RASSF8: variants seen among roughly 807,000 people sequenced by gnomAD.
RASSF8 encodes Ras association domain family member 8, also known as ras association domain-containing protein 8.
In RASSF8, 22 loss-of-function variants were observed where a neutral mutation model predicts 48.5. The ratio of observed to expected loss-of-function variants is 0.45; its 90% CI spans 0.32 to 0.65. The LOEUF (loss-of-function observed/expected upper bound fraction) is 0.65. RASSF8 is among the 30% of genes least tolerant of loss of function. RASSF8 has a pLI of 0.03. For synonymous variants in RASSF8, 127 were observed against 171.5 expected (o/e 0.74, Z 2.03); for missense variants, 418 against 489.2 (o/e 0.85, Z 1.37).
At position 25,959,134 on chromosome 12, in the gene RASSF8, C is replaced by T. The variant is rs1379840494; in HGVS notation, c.-217C>T. On this transcript the variant is annotated 5_prime_UTR_variant, in exon 1 of 6. Transcript: ENST00000689635. Reference sequence around the variant, plus strand: ...CTCTGGGCGGCCTGCGGGGGCGGCGCAGTTGCGAAACTGAGTAAGTATTAA... The same window carrying T: ...CTCTGGGCGGCCTGCGGGGGCGGCGTAGTTGCGAAACTGAGTAAGTATTAA... 1 of 151,542 alleles carries T rather than the reference C, an allele frequency of 6.6e-6. No individual in the cohort carries two copies. Among genetic ancestry groups the T allele is most frequent in the Non-Finnish European group, 1.5e-5 (1 of 67,884 alleles). The allele number at this position is 151,542 out of a possible 1,614,324, so 9.4% of individuals were successfully genotyped here.
intron 2 of RASSF8, among the ~76,000 whole-genome samples, chr12:26,035,906 G>GATTTCATATATATGATATATATCATAT (rs1943140329): frequency 7.0e-6 from 1 of 142,182 alleles, no homozygotes; most frequent in Non-Finnish European, 1.5e-5. Context: ...AATCATATAT[G>GATTTCATATATATGATATATATCATAT]ATTTCATATA....
At chr12:26,051,283 C>G (rs910415855) in intron 2 of RASSF8, among the ~76,000 whole-genome samples, 2 of 152,102 alleles carry the variant, frequency 1.3e-5, no homozygotes, top group African/African-American at 2.4e-5. Flanking sequence ...TTGCCAAATA[C>G]TTAAGTGTGT....
At chr12:25,984,224 C>CCT in intron 1 of RASSF8, among the ~76,000 whole-genome samples, 1 of 86,734 alleles carries the variant, frequency 1.2e-5, no homozygotes, top group Non-Finnish European at 2.2e-5. Flanking sequence ...CTACACGTAG[C>CCT]TTTTTTTTTT....
rs1046002309 is a variant in RASSF8 at position 25,958,700 on chromosome 12, A to T, written c.-651A>T. On this transcript the variant is annotated 5_prime_UTR_variant, in exon 1 of 6. Transcript: ENST00000689635. ...CCAGCCCAGAGGCACCGGCCGCGGG[A>T]GCGAGCGGGTCGCCGACTCCTACGC... The T allele has an allele frequency of 1.2e-4, 18 of 145,128 alleles. No individual in the cohort carries two copies. Among genetic ancestry groups the T allele is most frequent in the African/African-American group, 4.5e-4 (18 of 40,256 alleles). 9.0% of individuals were successfully genotyped at this position (145,128 alleles called of 1,614,324 possible).
At chr12:26,038,112 C>T (rs1434847706) in intron 2 of RASSF8, among the ~76,000 whole-genome samples, 1 of 152,146 alleles carries the variant, frequency 6.6e-6, no homozygotes, top group African/African-American at 2.4e-5. Flanking sequence ...ACACAGGTTG[C>T]ACGTGTTGTG....
At chr12:25,992,195 G>T (rs920833463) in intron 1 of RASSF8, among the ~76,000 whole-genome samples, 1 of 152,198 alleles carries the variant, frequency 6.6e-6, no homozygotes, top group Non-Finnish European at 1.5e-5. Flanking sequence ...GCCTTCAGCA[G>T]ACATTTATTG....
chr12:25,992,855 A>G (rs1189654866), intron 1 of RASSF8, among the ~76,000 whole-genome samples: 1 of 152,182 alleles, frequency 6.6e-6, no homozygotes, highest in Non-Finnish European at 1.5e-5. Context: ...GTTTGTATTT[A>G]TGGTTAGGAA....
intron 4 of RASSF8, among the ~76,000 whole-genome samples, chr12:26,066,284 C>T (rs1183091406): frequency 1.3e-5 from 2 of 152,038 alleles, no homozygotes; most frequent in South Asian, 2.1e-4. Flanking sequence ...CCAGGCAGCT[C>T]CAGGGTACTA....
intron 1 of RASSF8, among the ~76,000 whole-genome samples, chr12:25,970,734 C>T (rs1003063653): frequency 6.6e-6 from 1 of 152,178 alleles, no homozygotes; most frequent in African/African-American, 2.4e-5. Flanking sequence ...GGCTGTCCTG[C>T]CTTACTGCTT....
chr12:26,073,395 T>C (rs1944035549), downstream of RASSF8, among the ~76,000 whole-genome samples: 1 of 152,178 alleles, frequency 6.6e-6, no homozygotes, highest in Non-Finnish European at 1.5e-5. Flanking sequence ...ATATAAATTG[T>C]CATTTTTATA....
At chr12:26,067,498 T>C (rs757001237) in intron 4 of RASSF8, 71 bp from the exon 5 acceptor site, 7 of 1,438,540 alleles carry the variant, frequency 4.9e-6, no homozygotes, top group Non-Finnish European at 6.6e-6. Flanking sequence ...AGCAGATGGA[T>C]CCTCACAAAG....
At chr12:25,984,706 G>A (rs1468898146) in intron 1 of RASSF8, among the ~76,000 whole-genome samples, 1 of 152,184 alleles carries the variant, frequency 6.6e-6, no homozygotes. Flanking sequence ...CCTTTTAGTG[G>A]AGGACAAGAG....
chr12:26,025,972 C>T (rs560210048), intron 2 of RASSF8, among the ~76,000 whole-genome samples: 1 of 151,864 alleles, frequency 6.6e-6, no homozygotes, highest in Non-Finnish European at 1.5e-5. Flanking sequence ...CCTATATACA[C>T]GTATATAAAA....
At chr12:25,993,124 C>T (rs17361357) in intron 1 of RASSF8, among the ~76,000 whole-genome samples, 1,611 of 152,292 alleles carry the variant, frequency 0.011, 29 homozygotes, top group African/African-American at 0.031. Flanking sequence ...GAGCACATTA[C>T]ATTCCCAGGG....
chr12:25,976,892 CT>C (rs1941619858), intron 1 of RASSF8, among the ~76,000 whole-genome samples: 1 of 152,140 alleles, frequency 6.6e-6, no homozygotes, highest in Non-Finnish European at 1.5e-5. Context: ...TGCTTGGGAC[CT>C]CCTGGTTTTG....
rs145913205 is a variant in RASSF8, at chr12:25,999,264, C to T, written c.-109+4134C>T. Reference sequence around the variant, plus strand: ...TGATTCACAGTGAAATCAAGAGAAACTTTTTCCACCAAACCATGCTCTGTG... The same window carrying T: ...TGATTCACAGTGAAATCAAGAGAAATTTTTTCCACCAAACCATGCTCTGTG... On this transcript the variant is annotated intron_variant, in intron 2 of 5. Transcript: ENST00000689635. Among the ~76,000 whole-genome samples the T allele has an allele frequency of 3.8e-3, 583 of 152,256 alleles. 3 individuals carry two copies. Among genetic ancestry groups the T allele is most frequent in the African/African-American group, 0.013 (560 of 41,538 alleles).
chr12:26,051,596 C>T (rs1175835253), intron 2 of RASSF8, among the ~76,000 whole-genome samples: 1 of 152,178 alleles, frequency 6.6e-6, no homozygotes, highest in Non-Finnish European at 1.5e-5. Context: ...GAAATAAGTG[C>T]TATTCTTTAG....
intron 1 of RASSF8, among the ~76,000 whole-genome samples, chr12:25,964,101 G>C (rs897183877): frequency 6.6e-6 from 1 of 152,186 alleles, no homozygotes; most frequent in Non-Finnish European, 1.5e-5. Flanking sequence ...ACGAGTAGCT[G>C]CCACTGTGGA....
intron 1 of RASSF8, among the ~76,000 whole-genome samples, chr12:25,987,108 A>G (rs1328127093): frequency 6.6e-6 from 1 of 151,912 alleles, no homozygotes; most frequent in Non-Finnish European, 1.5e-5. Context: ...CTAATTTTGT[A>G]TTTTTAGTAG....
Sources: allele counts gnomAD v4.1 joint callset (sites outside exome capture counted in the v4.1 genomes callset), GRCh38; gene constraint gnomAD v4.1.1; transcripts MANE v1.5; gene names NCBI Gene and HGNC (gene_info 2026-07-23, HGNC 2026-07-21).